TBC1D12: variants seen among roughly 807,000 people sequenced by gnomAD.
The protein encoded by TBC1D12 is TBC1 domain family, member 12.
In TBC1D12, 56 loss-of-function variants were observed where a neutral mutation model predicts 86.7. The ratio of observed to expected loss-of-function variants is 0.65; its 90% confidence interval spans 0.52 to 0.81. TBC1D12 has a LOEUF of 0.81. TBC1D12 is among the 30% of genes least tolerant of loss of function. The probability of loss-of-function intolerance (pLI) is 0.00; values close to 1 mark genes in which losing one functional copy is unlikely to be tolerated. For synonymous variants in TBC1D12, 421 were observed against 411.7 expected (o/e 1.02, Z -0.27); for missense variants, 1,023 against 1,038.8 (o/e 0.98, Z 0.21).
At chr10:94,434,557 C>T (rs2055269547) in intron 1 of TBC1D12, among the ~76,000 whole-genome samples, 1 of 151,584 alleles carries the variant, frequency 6.6e-6, no homozygotes, top group South Asian at 2.1e-4. Flanking sequence ...AGTTAGGGCT[C>T]TCCAGTTACT....
chr10:94,517,829 T>C (rs1455706721), intron 9 of TBC1D12, among the ~76,000 whole-genome samples: 1 of 152,220 alleles, frequency 6.6e-6, no homozygotes, highest in Non-Finnish European at 1.5e-5. Flanking sequence ...AATTTGGTAA[T>C]CTTGGTTCAC....
chr10:94,471,739 A>G (rs894177808), intron 2 of TBC1D12, among the ~76,000 whole-genome samples: 1 of 152,198 alleles, frequency 6.6e-6, no homozygotes. Context: ...TACAAAGCCA[A>G]TCAACACTGG....
At chr10:94,531,606 A>G in intron 12 of TBC1D12, 146 bp downstream of exon 12, 2 of 634,186 alleles carry the variant, frequency 3.2e-6, no homozygotes, top group Non-Finnish European at 4.6e-6. Context: ...GTTTAAATCA[A>G]ATTGCCCACT....
chr10:94,430,123 T>C (rs944244497), intron 1 of TBC1D12, among the ~76,000 whole-genome samples: 3 of 152,142 alleles, frequency 2.0e-5, no homozygotes, highest in African/African-American at 7.2e-5. Context: ...ACTCCAGGGC[T>C]CAAGCAGTCC....
At chr10:94,473,714 G>GA (rs1275857667) in intron 2 of TBC1D12, among the ~76,000 whole-genome samples, 1 of 152,102 alleles carries the variant, frequency 6.6e-6, no homozygotes, top group East Asian at 1.9e-4. Context: ...TTTTAGAAAG[G>GA]AAAAAATGTG....
Position 94,527,496 on chromosome 10 carries a change from T to TG in TBC1D12, c.2001-3702dup, listed in dbSNP as rs771138238. Among the ~76,000 whole-genome samples, 35 of 134,910 alleles carry TG rather than the reference T, an allele frequency of 2.6e-4. No individual in the cohort carries two copies. The South Asian group carries it at 3.1e-3, about 12-fold the overall frequency. The allele number at this position is 134,910 out of a possible 152,430, so 88.5% of individuals were successfully genotyped here. On this transcript the variant is annotated intron_variant, in intron 11 of 12. Transcript: ENST00000225235. ...TTTGCAGATATTTTTTCCCATTCTG[T>TG]GGGGTTTTTTTTTTTATGCTATTGA...
chr10:94,444,932 C>G (rs920311186), intron 2 of TBC1D12, among the ~76,000 whole-genome samples: 2 of 149,556 alleles, frequency 1.3e-5, no homozygotes, highest in Non-Finnish European at 3.0e-5. Context: ...CGGGGTTTCA[C>G]CGTGTTAGCC....
chr10:94,489,144 A>C (rs1377995481), intron 3 of TBC1D12, among the ~76,000 whole-genome samples: 1 of 152,108 alleles, frequency 6.6e-6, no homozygotes, highest in Non-Finnish European at 1.5e-5. Context: ...AGAGCACTTT[A>C]ACCTGTGATT....
chr10:94,519,417 C>T (rs1383771782), intron 9 of TBC1D12, among the ~76,000 whole-genome samples: 2 of 152,074 alleles, frequency 1.3e-5, no homozygotes, highest in Non-Finnish European at 2.9e-5. Flanking sequence ...TTAGGCGAGG[C>T]GCAGTGGCTC....
At chr10:94,414,769 T>G (rs937026204) in intron 1 of TBC1D12, among the ~76,000 whole-genome samples, 4 of 152,080 alleles carry the variant, frequency 2.6e-5, no homozygotes, top group African/African-American at 9.7e-5. Context: ...CAGCTAATTT[T>G]TTGTATTTTT....
At chr10:94,530,699 T>C (rs78278709) in intron 11 of TBC1D12, among the ~76,000 whole-genome samples, 23,819 of 152,058 alleles carry the variant, frequency 0.16, 2,207 homozygotes, top group East Asian at 0.38. Flanking sequence ...GGATTCAAAT[T>C]CAGGCATTCT....
intron 3 of TBC1D12, among the ~76,000 whole-genome samples, chr10:94,479,024 G>A (rs1387422269): frequency 6.6e-6 from 1 of 152,016 alleles, no homozygotes; most frequent in Non-Finnish European, 1.5e-5. Flanking sequence ...ATTTCTAAAG[G>A]TAAATGAAAT....
At chr10:94,510,258 G>A (rs2056510661) in intron 8 of TBC1D12, 79 bp downstream of exon 8, 10 of 1,025,720 alleles carry the variant, frequency 9.7e-6, no homozygotes, top group Non-Finnish European at 1.4e-5. Context: ...TAAATGAATA[G>A]CTATTACTTT....
rs1055025565 is a variant in TBC1D12 at position 94,522,512 on chromosome 10, T to G, written c.2000+59T>G. On this transcript the variant is annotated intron_variant, in intron 11 of 12. Transcript: ENST00000225235. ...AAAGGAAATAAAGTATAACTTTTTG[T>G]GTGTTTTAGGAACTAGAGTAAATCT... The G allele has an allele frequency of 4.1e-5, 32 of 772,588 alleles. No homozygotes were observed. The African/African-American group carries it at 5.5e-4, about 13-fold the overall frequency. The allele number at this position is 772,588 out of a possible 1,614,324, so 47.9% of individuals were successfully genotyped here.
chr10:94,482,697 G>A (rs1432953992), intron 3 of TBC1D12, among the ~76,000 whole-genome samples: 5 of 151,964 alleles, frequency 3.3e-5, no homozygotes, highest in Admixed American at 1.3e-4. Context: ...TGATCCGCCC[G>A]CCTCAGCCTC....
At chr10:94,474,064 A>T (rs1198854546) in intron 2 of TBC1D12, among the ~76,000 whole-genome samples, 1 of 152,144 alleles carries the variant, frequency 6.6e-6, no homozygotes. Context: ...TAGAGGTTGA[A>T]TGTCACCCTT....
intron 2 of TBC1D12, among the ~76,000 whole-genome samples, chr10:94,457,338 G>GT (rs907668848): frequency 2.6e-5 from 4 of 152,078 alleles, no homozygotes; most frequent in African/African-American, 7.2e-5. Flanking sequence ...CTTAAAGTGG[G>GT]TTTTTTTGTA....
At chr10:94,479,910 A>G (rs1398011998) in intron 3 of TBC1D12, among the ~76,000 whole-genome samples, 1 of 152,194 alleles carries the variant, frequency 6.6e-6, no homozygotes, top group Non-Finnish European at 1.5e-5. Context: ...CCATGCATCA[A>G]AGACAAGGGT....
At chr10:94,523,010 A>C (rs1320617907) in intron 11 of TBC1D12, among the ~76,000 whole-genome samples, 4 of 140,444 alleles carry the variant, frequency 2.8e-5, no homozygotes, top group East Asian at 4.3e-4. Context: ...GCGATACTGC[A>C]CTCCAGCCTG....
Sources: gnomAD v4.1 joint callset for allele counts (sites outside exome capture counted in the v4.1 genomes callset) on GRCh38, gnomAD v4.1.1 for gene constraint, MANE v1.5 for transcripts, NCBI Gene and HGNC (gene_info 2026-07-23, HGNC 2026-07-21) for gene names.